The following CSMD1 variants were observed in gnomAD, a reference collection of about 807,000 sequenced individuals.
CSMD1 encodes the protein CUB and sushi domain-containing protein 1.
Under a neutral mutation model 417.5 loss-of-function variants are expected in CSMD1, and 213 were observed. That is an observed-to-expected ratio of 0.51 (90% CI 0.46 to 0.57). The LOEUF (loss-of-function observed/expected upper bound fraction) is 0.57. CSMD1 is among the 20% of genes least tolerant of loss of function. The pLI, the probability that CSMD1 is intolerant of heterozygous loss-of-function variation, is 0.00. For missense variants in CSMD1, 6,923 were observed against 4,529.7 expected (o/e 1.53, Z -15.17); for synonymous variants, 2,862 against 1,736.8 (o/e 1.65, Z -16.11).
intron 3 of CSMD1, among the ~76,000 whole-genome samples, chr8:4,208,023 T>C (rs996654834): frequency 1.3e-5 from 2 of 152,196 alleles, no homozygotes; most frequent in East Asian, 1.9e-4. Flanking sequence ...AGTCCAACAG[T>C]AGGAGAATAT....
chr8:4,358,923 C>A (rs749615703), intron 3 of CSMD1, among the ~76,000 whole-genome samples: 51 of 151,984 alleles, frequency 3.4e-4, no homozygotes, highest in Non-Finnish European at 3.5e-4. Flanking sequence ...ATTAAAAAAA[C>A]TGAATAATTA....
intron 5 of CSMD1, among the ~76,000 whole-genome samples, chr8:3,804,887 G>T (rs577323287): frequency 6.6e-6 from 1 of 152,272 alleles, no homozygotes; most frequent in African/African-American, 2.4e-5. Flanking sequence ...AAGTAGCATG[G>T]ATTAGTGAAA....
intron 10 of CSMD1, among the ~76,000 whole-genome samples, chr8:3,548,270 G>A (rs1224810028): frequency 2.6e-5 from 4 of 152,218 alleles, no homozygotes; most frequent in East Asian, 3.9e-4. Flanking sequence ...TGTAGCCCTT[G>A]TCTATTTTAA....
At chr8:4,962,194 TTTTA>T (rs1417971696) in intron 1 of CSMD1, among the ~76,000 whole-genome samples, 4 of 142,380 alleles carry the variant, frequency 2.8e-5, no homozygotes, top group South Asian at 2.3e-4. Context: ...TCTGCTTTTT[TTTTA>T]AAAAAAAAAG....
At chr8:4,564,250 C>G (rs2617046) in intron 2 of CSMD1, among the ~76,000 whole-genome samples, 1 of 152,280 alleles carries the variant, frequency 6.6e-6, no homozygotes, top group South Asian at 2.1e-4. Context: ...AATATCCTTA[C>G]AGATAACAGT....
At chr8:3,713,047 A>C (rs1801619071) in intron 6 of CSMD1, among the ~76,000 whole-genome samples, 1 of 152,190 alleles carries the variant, frequency 6.6e-6, no homozygotes, top group African/African-American at 2.4e-5. Context: ...AAATTCCCCA[A>C]AAGCAACAAA....
At position 3,659,308 on chromosome 8, in the gene CSMD1, T is replaced by C. The variant is rs961458188; in HGVS notation, c.1010-42511A>G. Among the ~76,000 whole-genome samples the C allele has an allele frequency of 4.4e-4, 67 of 152,194 alleles. 1 individual carries two copies. The highest frequency in any genetic ancestry group is 4.1e-3 in the Admixed American group (63 of 15,276). ...ATGATCACCTTCTTGACAAATTGTG[T>C]AGTTATTGTTACAAAGAAACAAATT... is the stretch of plus-strand genomic sequence containing the variant. On this transcript the variant is annotated intron_variant, in intron 7 of 69. Transcript: ENST00000635120.
At chr8:3,569,672 C>G (rs77559772) in intron 10 of CSMD1, among the ~76,000 whole-genome samples, 4,290 of 152,246 alleles carry the variant, frequency 0.028, 199 homozygotes, top group African/African-American at 0.094. Flanking sequence ...ACGTAATACA[C>G]TTTCATCAAC....
At chr8:3,642,124 G>A (rs143438474) in intron 7 of CSMD1, among the ~76,000 whole-genome samples, 158 of 151,674 alleles carry the variant, frequency 1.0e-3, no homozygotes, top group Admixed American at 2.8e-3. Flanking sequence ...AATGGAAACT[G>A]GAAACTCACA....
At chr8:3,610,182 G>T (rs958988240) in intron 8 of CSMD1, among the ~76,000 whole-genome samples, 1 of 152,090 alleles carries the variant, frequency 6.6e-6, no homozygotes, top group Non-Finnish European at 1.5e-5. Context: ...TAGTCCAGCA[G>T]CTTCCATATG....
At chr8:4,078,379 A>T (rs1293222386) in intron 3 of CSMD1, among the ~76,000 whole-genome samples, 1 of 133,864 alleles carries the variant, frequency 7.5e-6, no homozygotes, top group Admixed American at 8.4e-5. Context: ...CAGTGGCGTG[A>T]TCTCGACTCA....
chr8:3,117,742 T>C (rs116527336), intron 42 of CSMD1, among the ~76,000 whole-genome samples: 3,664 of 152,178 alleles, frequency 0.024, 155 homozygotes, highest in African/African-American at 0.084. Context: ...AGAGACCAGG[T>C]CCTCTGTTGC....
Position 4,455,713 on chromosome 8 carries a change from C to T in CSMD1, c.303-35648G>A, listed in dbSNP as rs1468358241. Among the ~76,000 whole-genome samples the T allele has an allele frequency of 2.0e-5, 3 of 151,704 alleles. No homozygotes were observed. The East Asian group carries it at 5.9e-4, about 30-fold the overall frequency. On this transcript the variant is annotated intron_variant, in intron 2 of 69. Coordinates refer to ENST00000635120, the MANE Select transcript of CSMD1 (RefSeq NM_033225.6). Reference sequence around the variant, plus strand: ...TGGGAGGCCGAAGCGGGTCGATCACCTGAGGTCAGGAGTTCAAGACCAGCC... The same window carrying T: ...TGGGAGGCCGAAGCGGGTCGATCACTTGAGGTCAGGAGTTCAAGACCAGCC...
At chr8:3,617,584 A>G (rs768978223) in intron 7 of CSMD1, among the ~76,000 whole-genome samples, 69 of 152,328 alleles carry the variant, frequency 4.5e-4, no homozygotes, top group Non-Finnish European at 8.8e-4. Flanking sequence ...GGATGCTAAT[A>G]AAGTGCATAT....
intron 3 of CSMD1, among the ~76,000 whole-genome samples, chr8:4,331,323 C>G (rs543493934): frequency 1.3e-5 from 2 of 152,246 alleles, no homozygotes; most frequent in Non-Finnish European, 2.9e-5. Flanking sequence ...GGTGCAAACG[C>G]AGTTTTGAGA....
intron 8 of CSMD1, among the ~76,000 whole-genome samples, chr8:3,601,440 T>A (rs760932243): frequency 1.3e-4 from 20 of 152,174 alleles, no homozygotes; most frequent in Non-Finnish European, 2.5e-4. Context: ...AGCAAGCCCA[T>A]CTGTATTTAG....
chr8:3,847,543 A>C (rs76702734), intron 5 of CSMD1, among the ~76,000 whole-genome samples: 3,798 of 152,196 alleles, frequency 0.025, 81 homozygotes, highest in Non-Finnish European at 0.04. Flanking sequence ...GAGATCACAG[A>C]CTGAAGGAGT....
At chr8:4,204,571 A>T (rs867729260) in intron 3 of CSMD1, among the ~76,000 whole-genome samples, 1 of 152,206 alleles carries the variant, frequency 6.6e-6, no homozygotes, top group African/African-American at 2.4e-5. Flanking sequence ...CTATACTGAG[A>T]GGAAGATTCA....
intron 3 of CSMD1, among the ~76,000 whole-genome samples, chr8:4,107,861 A>T (rs1268258354): frequency 6.6e-6 from 1 of 152,210 alleles, no homozygotes; most frequent in African/African-American, 2.4e-5. Context: ...TCTGATGGAA[A>T]TAGAAGGAAT....
Sources: gnomAD v4.1 joint callset for allele counts (sites outside exome capture counted in the v4.1 genomes callset) on GRCh38, gnomAD v4.1.1 for gene constraint, MANE v1.5 for transcripts, NCBI Gene and HGNC (gene_info 2026-07-23, HGNC 2026-07-21) for gene names.